PPP2R5A: variants seen among roughly 807,000 people sequenced by gnomAD.
PPP2R5A encodes protein phosphatase 2 regulatory subunit B'alpha.
A neutral mutation model predicts 64.2 loss-of-function variants in PPP2R5A; 25 were observed. That is an observed-to-expected ratio of 0.39 (90% CI 0.28 to 0.54). PPP2R5A has a LOEUF of 0.54. PPP2R5A is among the 20% of genes least tolerant of loss of function. PPP2R5A has a pLI of 0.67. For synonymous variants in PPP2R5A, 198 were observed against 201.2 expected (o/e 0.98, Z 0.13); for missense variants, 425 against 576.3 (o/e 0.74, Z 2.69).
At chr1:212,324,905 T>A (rs894733619) in intron 1 of PPP2R5A, among the ~76,000 whole-genome samples, 26 of 152,134 alleles carry the variant, frequency 1.7e-4, no homozygotes, top group African/African-American at 5.5e-4. Context: ...GCACCTGGCA[T>A]GATTAATTCT....
At chr1:212,335,478 A>G (rs1436946526) in intron 3 of PPP2R5A, among the ~76,000 whole-genome samples, 1 of 151,376 alleles carries the variant, frequency 6.6e-6, no homozygotes, top group Non-Finnish European at 1.5e-5. Context: ...TCCGGCTCAA[A>G]AAAAAAAAAA....
intron 1 of PPP2R5A, among the ~76,000 whole-genome samples, chr1:212,323,007 C>T (rs1301299965): frequency 1.3e-5 from 2 of 152,076 alleles, no homozygotes; most frequent in Non-Finnish European, 2.9e-5. Context: ...AGGATGGTCT[C>T]GATCTCCTGA....
intron 3 of PPP2R5A, among the ~76,000 whole-genome samples, chr1:212,336,219 A>T (rs778014632): frequency 1.3e-5 from 2 of 152,074 alleles, no homozygotes; most frequent in African/African-American, 2.4e-5. Context: ...AGTTCAGATG[A>T]TTCTCCTGCC....
intron 8 of PPP2R5A, among the ~76,000 whole-genome samples, chr1:212,351,836 A>AT (rs939128032): frequency 5.3e-5 from 8 of 152,050 alleles, no homozygotes; most frequent in Non-Finnish European, 1.2e-4. Context: ...CAAAACTTTT[A>AT]TTTTTTTGGC....
chr1:212,312,235 T>TAGTAGG (rs1659052629), intron 1 of PPP2R5A, among the ~76,000 whole-genome samples: 2 of 152,242 alleles, frequency 1.3e-5, no homozygotes, highest in Non-Finnish European at 2.9e-5. Context: ...CCTAGGCGTG[T>TAGTAGG]AGTAGGCTGT....
chr1:212,288,321 T>G (rs1412742689), intron 1 of PPP2R5A, among the ~76,000 whole-genome samples: 1 of 152,196 alleles, frequency 6.6e-6, no homozygotes, highest in East Asian at 1.9e-4. Context: ...TGGCCACATT[T>G]TGCTTTTAAA....
intron 1 of PPP2R5A, among the ~76,000 whole-genome samples, chr1:212,307,185 T>C (rs901958881): frequency 3.9e-5 from 6 of 152,198 alleles, no homozygotes; most frequent in African/African-American, 1.4e-4. Flanking sequence ...CTGTTTTCTT[T>C]AGTATTAAGT....
intron 1 of PPP2R5A, among the ~76,000 whole-genome samples, chr1:212,317,958 T>C (rs1473244720): frequency 5.3e-5 from 8 of 151,220 alleles, no homozygotes; most frequent in Admixed American, 3.3e-4. Flanking sequence ...AAAAAAAAAA[T>C]TAAAAAAAAA....
At position 212,285,990 on chromosome 1, in the gene PPP2R5A, TGGGGCCGG is replaced by T; in HGVS notation, c.-118_-111del. On this transcript the variant is annotated 5_prime_UTR_variant, in exon 1 of 13. Coordinates refer to ENST00000261461, the MANE Select transcript of PPP2R5A (RefSeq NM_006243.4). The stretch of plus-strand genomic sequence containing the variant: ...GCGGCGTCCCGGGGCCGGAGGGCCG[TGGGGCCGG>T]GGCGCAGGGGCGCGAGCACCCCGCG... 1.9e-6 allele frequency: 2 copies of T among 1,069,376 alleles called. No homozygotes were observed. The highest frequency in any genetic ancestry group is 1.2e-6 in the Non-Finnish European group (1 of 815,920). 66.2% of individuals were successfully genotyped at this position (1,069,376 alleles called of 1,614,324 possible).
chr1:212,360,348 C>T (rs924053560), intron 12 of PPP2R5A, among the ~76,000 whole-genome samples: 2 of 152,086 alleles, frequency 1.3e-5, no homozygotes, highest in African/African-American at 4.8e-5. Flanking sequence ...AGAAAATTGA[C>T]GTGTAAGTAC....
At chr1:212,301,399 G>C (rs1426635764) in intron 1 of PPP2R5A, among the ~76,000 whole-genome samples, 1 of 152,208 alleles carries the variant, frequency 6.6e-6, no homozygotes, top group African/African-American at 2.4e-5. Flanking sequence ...ATGTATTTAA[G>C]TTCTTGAAAG....
In PPP2R5A at chr1:212,360,281, G is replaced by T. The variant is rs756007747; in HGVS notation, c.1329-357G>T. On this transcript the variant is annotated intron_variant, in intron 12 of 12. Coordinates refer to ENST00000261461, the MANE Select transcript of PPP2R5A (RefSeq NM_006243.4). The stretch of plus-strand genomic sequence containing the variant: ...GTGCTTCCTACTGACCTAGTGGCCA[G>T]CCCCTTCAGCCTTTGTAATACTGAT... 4.9e-4 allele frequency among the ~76,000 whole-genome samples: 74 copies of T among 152,282 alleles called. 1 individual carries two copies. Among genetic ancestry groups the T allele is most frequent in the Non-Finnish European group, 1.3e-4 (9 of 68,016 alleles).
intron 1 of PPP2R5A, chr1:212,309,138 C>T: frequency 9.1e-7 from 1 of 1,100,054 alleles, no homozygotes; most frequent in South Asian, 1.2e-5. Context: ...CAGGCCGAAT[C>T]AGGGTGTTGA....
At chr1:212,309,004 A>G in intron 1 of PPP2R5A, 2 of 672,078 alleles carry the variant, frequency 3.0e-6, no homozygotes, top group Non-Finnish European at 5.3e-6. Context: ...TTCTTTTTTT[A>G]TGGTGAAAAG....
chr1:212,315,349 A>G (rs993050723), intron 1 of PPP2R5A, among the ~76,000 whole-genome samples: 5 of 152,318 alleles, frequency 3.3e-5, no homozygotes, highest in Non-Finnish European at 7.4e-5. Context: ...CTTACTGTCT[A>G]TTGAGAGTGT....
At chr1:212,353,604 T>C (rs1162361981) in intron 8 of PPP2R5A, among the ~76,000 whole-genome samples, 1 of 152,232 alleles carries the variant, frequency 6.6e-6, no homozygotes, top group African/African-American at 2.4e-5. Flanking sequence ...TACTCATATA[T>C]ATCTTTTCTC....
rs1658495893 is a variant in PPP2R5A, at chr1:212,286,239, G to C, written c.129G>C (p.Gln43His). ...QRQKRSQGSS[Q>H]FRSQGSQAEL... ...AGAAGCGCTCCCAGGGCTCGTCGCA[G>C]TTTCGCAGCCAGGGCAGCCAGGCAG... is the stretch of plus-strand genomic sequence containing the variant. Residue 43 changes from glutamine (Q) to histidine (H), a missense_variant, in exon 1 of 13, where the codon CAG becomes CAC. This residue lies in a region of PPP2R5A where 104 missense variants were observed against 95.7 expected (regional missense o/e 1.09). Coordinates refer to ENST00000261461, the MANE Select transcript of PPP2R5A (RefSeq NM_006243.4). 1 of 1,558,790 alleles carries C rather than the reference G, an allele frequency of 6.4e-7. No individual in the cohort carries two copies. The highest frequency in any genetic ancestry group is 1.2e-5 in the South Asian group (1 of 84,930).
chr1:212,321,060 G>A (rs1354202532), intron 1 of PPP2R5A, among the ~76,000 whole-genome samples: 1 of 96,380 alleles, frequency 1.0e-5, no homozygotes, highest in Non-Finnish European at 2.1e-5. Flanking sequence ...CTGGCCGGGC[G>A]GGGGGCTGAC....
intron 1 of PPP2R5A, among the ~76,000 whole-genome samples, chr1:212,323,246 C>G (rs911045220): frequency 6.6e-6 from 1 of 152,152 alleles, no homozygotes; most frequent in African/African-American, 2.4e-5. Context: ...TTTCTGTGTT[C>G]TGTATCTGGC....
Sources: allele counts gnomAD v4.1 joint callset (sites outside exome capture counted in the v4.1 genomes callset), GRCh38; gene constraint gnomAD v4.1.1; regional missense constraint gnomAD v4.1.1; transcripts MANE v1.5; gene names NCBI Gene and HGNC (gene_info 2026-07-23, HGNC 2026-07-21).